Variants in SH3BP4 observed in about 807,000 individuals in gnomAD.
SH3BP4 encodes the protein SH3 domain-binding protein 4.
Under a neutral mutation model 65.5 loss-of-function variants are expected in SH3BP4, and 33 were observed. The ratio of observed to expected loss-of-function variants is 0.50; its 90% confidence interval spans 0.38 to 0.67. The LOEUF is 0.67. Ranked by LOEUF, SH3BP4 falls within the 30% of genes least tolerant of loss-of-function variation. SH3BP4 has a pLI of 0.00. For missense variants in SH3BP4, 1,134 were observed against 1,261.4 expected, an observed-to-expected ratio of 0.90 and a Z score of 1.53; for synonymous variants, 552 against 545.5, an observed-to-expected ratio of 1.01 and a Z score of -0.17.
intron 1 of SH3BP4, among the ~76,000 whole-genome samples, chr2:234,981,929 T>G (rs10205457): frequency 0.025 from 3,801 of 152,276 alleles, 139 homozygotes; most frequent in African/African-American, 0.086. Context: ...TAAGCTCGGC[T>G]GCCATTTTCC....
Position 235,038,319 on chromosome 2 carries a change from TTA to T in SH3BP4, c.119-2559_119-2558del, listed in dbSNP as rs1189685749. The stretch of plus-strand genomic sequence containing the variant: ...ATATATTATATATATATATTATATA[TTA>T]TATATATATTATATATAGTATATAT... On this transcript the variant is annotated intron_variant, in intron 3 of 5. Transcript: ENST00000392011. Among the ~76,000 whole-genome samples the T allele has an allele frequency of 5.2e-3, 52 of 10,018 alleles. 1 individual carries two copies. Among genetic ancestry groups the T allele is most frequent in the African/African-American group, 0.011 (15 of 1,386 alleles). 6.6% of individuals were successfully genotyped at this position (10,018 alleles called of 152,430 possible).
Position 235,041,524 on chromosome 2 carries a change from T to C in SH3BP4, c.755T>C (p.Val252Ala), listed in dbSNP as rs1574844455. ...KRSYSLSELS[V>A]LQAKSDAPTS... The stretch of plus-strand genomic sequence containing the variant: ...TCCTACAGTCTCTCGGAACTCTCCG[T>C]CCTCCAAGCCAAGTCCGATGCTCCC... The change falls in exon 4 of 6, where the codon GTC (valine) becomes GCC (alanine). Residue 252 changes from valine to alanine, a missense_variant. Physicochemically the swap from Val to Ala is moderately conservative, Grantham distance 64. Coordinates refer to ENST00000392011, the MANE Select transcript of SH3BP4 (RefSeq NM_014521.3). The surrounding 1 kb of genome is among the most constrained non-coding windows in gnomAD (Gnocchi z 6.0). 6.2e-7 allele frequency: 1 copy of C among 1,614,030 alleles called. No homozygotes were observed. The highest frequency in any genetic ancestry group is 8.5e-7 in the Non-Finnish European group (1 of 1,180,020).
chr2:235,004,665 A>G (rs1231532375), intron 2 of SH3BP4, among the ~76,000 whole-genome samples: 1 of 152,132 alleles, frequency 6.6e-6, no homozygotes, highest in Non-Finnish European at 1.5e-5. Flanking sequence ...TTCACTGCAG[A>G]CTGTTTCCAG....
At chr2:235,025,284 C>T (rs189379306) in intron 2 of SH3BP4, among the ~76,000 whole-genome samples, 1 of 152,222 alleles carries the variant, frequency 6.6e-6, no homozygotes, top group Non-Finnish European at 1.5e-5. Context: ...GAGCTTTGAC[C>T]CAGGAGCGCA....
chr2:234,964,697 G>A (rs1692795305), intron 1 of SH3BP4, among the ~76,000 whole-genome samples: 1 of 152,198 alleles, frequency 6.6e-6, no homozygotes, highest in South Asian at 2.1e-4. Flanking sequence ...GAGGGCCATA[G>A]TGAGACCCCC....
intron 1 of SH3BP4, among the ~76,000 whole-genome samples, chr2:234,960,772 A>G (rs1025282798): frequency 1.3e-5 from 2 of 152,174 alleles, no homozygotes; most frequent in Non-Finnish European, 2.9e-5. Context: ...TTCTGTACAC[A>G]GCTGTTTCTT....
At chr2:234,986,553 G>C (rs1047188913) in intron 1 of SH3BP4, among the ~76,000 whole-genome samples, 2 of 152,156 alleles carry the variant, frequency 1.3e-5, no homozygotes, top group Admixed American at 1.3e-4. Flanking sequence ...ACTGCAGCCT[G>C]TGTGGTCTTG....
intron 1 of SH3BP4, among the ~76,000 whole-genome samples, 189 bp from the exon 2 acceptor site, chr2:234,995,111 CTCT>C (rs1693870779): frequency 1.3e-5 from 2 of 152,244 alleles, no homozygotes; most frequent in Non-Finnish European, 2.9e-5. Flanking sequence ...CCGCTGGCCA[CTCT>C]CCAGAGTTGG....
intron 1 of SH3BP4, among the ~76,000 whole-genome samples, chr2:234,986,983 G>A (rs1384707884): frequency 6.6e-6 from 1 of 151,966 alleles, no homozygotes; most frequent in Non-Finnish European, 1.5e-5. Context: ...TGTTGGTCAG[G>A]CTGGTCTCTA....
chr2:235,022,499 C>T lies in SH3BP4; in HGVS notation c.-132-12372C>T, dbSNP rs533007280. On this transcript the variant is annotated intron_variant, in intron 2 of 5. Transcript: ENST00000392011. Reference sequence around the variant, plus strand: ...TCGTGCCACTGCATTCCAGCCTGGGCGACAGAGCGAGACTCTGTCTCCAAA... The same window carrying T: ...TCGTGCCACTGCATTCCAGCCTGGGTGACAGAGCGAGACTCTGTCTCCAAA... Among the ~76,000 whole-genome samples, 9 of 151,750 alleles carry T rather than the reference C, an allele frequency of 5.9e-5. No individual in the cohort carries two copies. The East Asian group carries it at 7.8e-4, about 13-fold the overall frequency.
intron 2 of SH3BP4, among the ~76,000 whole-genome samples, chr2:235,007,497 G>A (rs533475448): frequency 1.5e-4 from 23 of 152,290 alleles, no homozygotes; most frequent in African/African-American, 3.1e-4. Context: ...GCCTGAGGAC[G>A]CTGCTGCAGA....
intron 4 of SH3BP4, among the ~76,000 whole-genome samples, chr2:235,044,758 C>T (rs750227886): frequency 3.3e-5 from 5 of 152,216 alleles, no homozygotes; most frequent in Admixed American, 6.5e-5. Flanking sequence ...ATACCCGGCT[C>T]GGCTGCCCAT....
rs989328446 is a variant in SH3BP4 at position 234,977,934 on chromosome 2, A to G, written c.-206-17369A>G. On this transcript the variant is annotated intron_variant, in intron 1 of 5. Transcript: ENST00000392011. The surrounding 1 kb of genome is among the most constrained non-coding windows in gnomAD (Gnocchi z 5.1). Reference sequence around the variant, plus strand: ...CTAGTGGCCAGTCTGTCCCACTTGGATGGTCTGTTTCTATTTTATTTTATT... The same window carrying G: ...CTAGTGGCCAGTCTGTCCCACTTGGGTGGTCTGTTTCTATTTTATTTTATT... Among the ~76,000 whole-genome samples the G allele has an allele frequency of 3.3e-5, 5 of 151,990 alleles. No individual in the cohort carries two copies. The highest frequency in any genetic ancestry group is 9.6e-5 in the African/African-American group (4 of 41,472).
chr2:235,009,084 C>T (rs1694393006), intron 2 of SH3BP4, among the ~76,000 whole-genome samples: 1 of 152,350 alleles, frequency 6.6e-6, no homozygotes, highest in East Asian at 1.9e-4. Context: ...TAATGTTCAT[C>T]ACTGACCCAT....
intron 2 of SH3BP4, among the ~76,000 whole-genome samples, chr2:235,004,168 A>G (rs909010874): frequency 1.3e-5 from 2 of 152,148 alleles, no homozygotes; most frequent in African/African-American, 4.8e-5. Context: ...TAACAAAAAT[A>G]TGCTCTCAGT....
intron 2 of SH3BP4, among the ~76,000 whole-genome samples, chr2:235,000,260 T>G (rs1694055966): frequency 6.6e-6 from 1 of 152,228 alleles, no homozygotes; most frequent in African/African-American, 2.4e-5. Flanking sequence ...AAGCAAGTCC[T>G]GTAGCCTCTC....
At chr2:235,015,196 G>A (rs1019712852) in intron 2 of SH3BP4, among the ~76,000 whole-genome samples, 8 of 152,200 alleles carry the variant, frequency 5.3e-5, no homozygotes, top group African/African-American at 1.9e-4. Context: ...ACCCAATCTG[G>A]TGTAATTCTT....
Position 234,976,428 on chromosome 2 carries a change from C to T in SH3BP4, c.-206-18875C>T, listed in dbSNP as rs1460747376. 6.6e-6 allele frequency among the ~76,000 whole-genome samples: 1 copy of T among 152,148 alleles called. No homozygotes were observed. Among genetic ancestry groups the T allele is most frequent in the East Asian group, 1.9e-4 (1 of 5,198 alleles). On this transcript the variant is annotated intron_variant, in intron 1 of 5. Coordinates refer to ENST00000392011, the MANE Select transcript of SH3BP4 (RefSeq NM_014521.3). This position sits in a 1 kb window ranked among gnomAD's most constrained non-coding sequence, Gnocchi z 4.7. ...GTTAAGTTAGATCCTTAGGGGGTGA[C>T]AGGGCCGGTGTGTACCAGGTTAAGG... is the stretch of plus-strand genomic sequence containing the variant.
At position 235,053,804 on chromosome 2, in the gene SH3BP4, C is replaced by G; in HGVS notation, c.2880C>G (p.Asp960Glu). The G allele has an allele frequency of 6.2e-7, 1 of 1,613,898 alleles. No homozygotes were observed. Among genetic ancestry groups the G allele is most frequent in the African/African-American group, 1.3e-5 (1 of 75,054 alleles). The change falls in exon 6 of 6, where the codon GAC becomes GAG. Residue 960 changes from aspartate (D) to glutamate (E), a missense_variant. Coordinates refer to ENST00000392011, the MANE Select transcript of SH3BP4 (RefSeq NM_014521.3). Reference protein sequence around the residue: ...AAAFSPADQDDFVI With the variant: ...AAAFSPADQDEFVI ...CCTTCAGCCCTGCGGACCAGGACGA[C>G]TTCGTGATTTGAATGGGTCCCCTCC...
Sources: allele counts gnomAD v4.1 joint callset (sites outside exome capture counted in the v4.1 genomes callset), GRCh38; gene constraint gnomAD v4.1.1; non-coding constraint Gnocchi (gnomAD v3.1); transcripts MANE v1.5; gene names NCBI Gene and HGNC (gene_info 2026-07-23, HGNC 2026-07-21).